GPD2: variants seen among roughly 807,000 people sequenced by gnomAD.
GPD2 encodes glycerol-3-phosphate dehydrogenase 2, also known as glycerol-3-phosphate dehydrogenase, mitochondrial.
A neutral mutation model predicts 82.4 loss-of-function variants in GPD2; 54 were observed. The observed-to-expected ratio is 0.66, with a 90% CI of 0.53 to 0.82. The LOEUF is 0.82. Among genes scored for constraint, GPD2 ranks in the 40% least tolerant of loss-of-function variants. The pLI is 0.00. For synonymous variants in GPD2, 288 were observed against 306.1 expected (o/e 0.94, Z 0.62); for missense variants, 748 against 896.2 (o/e 0.83, Z 2.11).
upstream of GPD2, among the ~76,000 whole-genome samples, chr2:156,432,991 AGAGG>A (rs1688334593): frequency 6.6e-6 from 1 of 151,862 alleles, no homozygotes; most frequent in South Asian, 2.1e-4. Context: ...AAATTTGGCA[AGAGG>A]AATCACGTCC....
chr2:156,470,822 G>A (rs529836887), intron 1 of GPD2, among the ~76,000 whole-genome samples: 4 of 152,316 alleles, frequency 2.6e-5, no homozygotes, highest in African/African-American at 9.6e-5. Context: ...GCAGCAGTCA[G>A]GTACAAACAA....
chr2:156,471,324 C>T (rs537907074), intron 1 of GPD2, among the ~76,000 whole-genome samples: 1 of 152,322 alleles, frequency 6.6e-6, no homozygotes, highest in African/African-American at 2.4e-5. Context: ...GTCTCTCTGT[C>T]TTCGTAAGCT....
At chr2:156,535,274 T>TGAGAGAGAGAGAGAGAAA (rs568873257) in intron 6 of GPD2, among the ~76,000 whole-genome samples, 2 of 141,682 alleles carry the variant, frequency 1.4e-5, no homozygotes, top group Non-Finnish European at 3.1e-5. Flanking sequence ...GAATCCCAGG[T>TGAGAGAGAGAGAGAGAAA]GAGAGAGAGA....
At chr2:156,522,367 T>G (rs1172018852) in intron 6 of GPD2, among the ~76,000 whole-genome samples, 1 of 152,236 alleles carries the variant, frequency 6.6e-6, no homozygotes, top group African/African-American at 2.4e-5. Context: ...AAGACAGTGC[T>G]AAAAATTCTC....
At chr2:156,440,600 C>T (rs1682134290) in intron 1 of GPD2, among the ~76,000 whole-genome samples, 1 of 152,118 alleles carries the variant, frequency 6.6e-6, no homozygotes, top group Admixed American at 6.6e-5. Context: ...TATATCATAT[C>T]GGTGCTCTTA....
In GPD2 at chr2:156,579,715, A is replaced by G. The variant is rs148545028; in HGVS notation, c.1985A>G (p.Asn662Ser). ...AGTATCAATGTCCAAATGGATGAAA[A>G]TACACTCCATGAAATTCTAAATGAA... Reference protein sequence around the residue: ...LESINVQMDENTLHEILNEVD... With the variant: ...LESINVQMDESTLHEILNEVD... The change falls in exon 16 of 17, where the codon AAT becomes AGT. Residue 662 changes from asparagine (N) to serine (S), a missense_variant. Asn to Ser is a conservative substitution (Grantham distance 46). This residue lies in a region of GPD2 where 10 missense variants were observed against 37.4 expected (regional missense o/e 0.27). Transcript: ENST00000438166. 2.0e-6 allele frequency: 3 copies of G among 1,509,468 alleles called. No individual in the cohort carries two copies. Among genetic ancestry groups the G allele is most frequent in the South Asian group, 1.1e-5 (1 of 88,872 alleles). The allele number at this position is 1,509,468 out of a possible 1,614,324, so 93.5% of individuals were successfully genotyped here.
intron 11 of GPD2, 128 bp downstream of exon 11, chr2:156,569,666 T>A: frequency 1.3e-6 from 1 of 771,108 alleles, no homozygotes; most frequent in Non-Finnish European, 2.3e-6. Flanking sequence ...TGCCAGTCTG[T>A]TATGGAAGGA....
intron 2 of GPD2, among the ~76,000 whole-genome samples, chr2:156,477,183 C>A (rs1683543687): frequency 6.6e-6 from 1 of 152,200 alleles, no homozygotes; most frequent in Non-Finnish European, 1.5e-5. Context: ...GTAATCCCAG[C>A]ACTTTGGGAG....
chr2:156,520,418 T>G (rs1685358287), intron 6 of GPD2, among the ~76,000 whole-genome samples: 1 of 152,190 alleles, frequency 6.6e-6, no homozygotes, highest in Non-Finnish European at 1.5e-5. Flanking sequence ...TTTCATTTCC[T>G]TGTCTTCCCT....
At chr2:156,412,807 A>T in the GPD2 span, among the ~76,000 whole-genome samples, 2 of 152,214 alleles carry the variant, frequency 1.3e-5, no homozygotes, top group African/African-American at 4.8e-5. Context: ...TTTTAAAACT[A>T]TGATGCCAGG....
chr2:156,510,690 C>T (rs931738421), intron 3 of GPD2, 106 bp from the exon 4 acceptor site: 2 of 868,688 alleles, frequency 2.3e-6, no homozygotes, highest in Non-Finnish European at 3.9e-6. Flanking sequence ...TATCCATGTT[C>T]AGAGTAATTT....
chr2:156,408,711 T>TA, the GPD2 span, among the ~76,000 whole-genome samples: 8,752 of 81,890 alleles, frequency 0.11, 381 homozygotes, highest in East Asian at 0.19. Flanking sequence ...CTGCACCTGG[T>TA]AAAAAAAAAA....
chr2:156,421,551 T>C, the GPD2 span, among the ~76,000 whole-genome samples: 9 of 152,202 alleles, frequency 5.9e-5, no homozygotes, highest in Non-Finnish European at 1.3e-4. Flanking sequence ...CTTTACAGTC[T>C]GCTAAAGAGT....
chr2:156,538,226 A>T (rs1371519037), intron 6 of GPD2, among the ~76,000 whole-genome samples: 1 of 152,118 alleles, frequency 6.6e-6, no homozygotes, highest in African/African-American at 2.4e-5. Context: ...CTGTTTTATT[A>T]TTTCGCTTAG....
chr2:156,443,410 T>G (rs2105141800), intron 1 of GPD2, among the ~76,000 whole-genome samples: 1 of 152,302 alleles, frequency 6.6e-6, no homozygotes, highest in South Asian at 2.1e-4. Context: ...TCATTAATGG[T>G]TGCCCCATAA....
rs1340838893 is a variant in GPD2 at position 156,578,891 on chromosome 2, A to T, written c.1770A>T (p.Glu590Asp). ...CTTTGTGTGTATCTCTGTTTTAGGA[A>T]CAACTTGAAACAGCCAGGAAGTTTC... ...ELNWDDYKKQEQLETARKFLY... is the reference protein window; with the variant it reads ...ELNWDDYKKQDQLETARKFLY... Residue 590 changes from glutamate to aspartate, a missense_variant and splice_region_variant, in exon 14 of 17, where the codon GAA becomes GAT. This residue lies in a region of GPD2 where 692 missense variants were observed against 809.7 expected (regional missense o/e 0.85). Transcript: ENST00000438166. The T allele has an allele frequency of 6.4e-7, 1 of 1,564,422 alleles. No homozygotes were observed. Among genetic ancestry groups the T allele is most frequent in the Non-Finnish European group, 8.8e-7 (1 of 1,135,762 alleles).
chr2:156,558,499 C>T (rs1687044284), intron 9 of GPD2, among the ~76,000 whole-genome samples: 1 of 152,202 alleles, frequency 6.6e-6, no homozygotes, highest in South Asian at 2.1e-4. Context: ...AAACACAATT[C>T]TGATCATCAC....
chr2:156,426,700 C>G, the GPD2 span, among the ~76,000 whole-genome samples: 2 of 152,136 alleles, frequency 1.3e-5, no homozygotes, highest in African/African-American at 4.8e-5. Context: ...TATTCCTGAA[C>G]TACATGTAGC....
intron 2 of GPD2, among the ~76,000 whole-genome samples, chr2:156,478,489 T>C (rs1010702056): frequency 2.0e-5 from 3 of 152,040 alleles, no homozygotes; most frequent in African/African-American, 7.2e-5. Context: ...GATGTAGCCA[T>C]AGGGACTGGC....
Sources: gnomAD v4.1 joint callset for allele counts (sites outside exome capture counted in the v4.1 genomes callset) on GRCh38, gnomAD v4.1.1 for gene constraint, gnomAD v4.1.1 regional missense constraint, MANE v1.5 for transcripts, NCBI Gene and HGNC (gene_info 2026-07-23, HGNC 2026-07-21) for gene names.